HDAC9: variants seen among roughly 807,000 people sequenced by gnomAD.
HDAC9 encodes MEF-2 interacting transcription repressor (MITR) protein.
A neutral mutation model predicts 139.4 loss-of-function variants in HDAC9; 41 were observed. The ratio of observed to expected loss-of-function variants is 0.29; its 90% confidence interval spans 0.23 to 0.38. The LOEUF is 0.38. Ranked by LOEUF, HDAC9 falls within the 10% of genes least tolerant of loss-of-function variation. HDAC9 has a pLI of 1.00. For synonymous variants in HDAC9, 517 were observed against 476.2 expected, an observed-to-expected ratio of 1.09 and a Z score of -1.12; for missense variants, 1,147 against 1,297.0, an observed-to-expected ratio of 0.88 and a Z score of 1.78.
intron 21 of HDAC9, among the ~76,000 whole-genome samples, chr7:18,852,162 A>G (rs1483588008): frequency 6.6e-6 from 1 of 152,204 alleles, no homozygotes; most frequent in East Asian, 1.9e-4. Flanking sequence ...ACTTTCTCCC[A>G]TGTGCTTAAC....
At chr7:18,509,408 A>C (rs1011622963) in intron 2 of HDAC9, 77 of 985,354 alleles carry the variant, frequency 7.8e-5, no homozygotes, top group Non-Finnish European at 8.9e-5. Context: ...CTCCTGGCCA[A>C]CGTGCTTTGT....
intron 2 of HDAC9, among the ~76,000 whole-genome samples, chr7:18,248,798 G>T (rs1448906162): frequency 6.6e-6 from 1 of 152,164 alleles, no homozygotes; most frequent in Non-Finnish European, 1.5e-5. Context: ...GCTAAATTCT[G>T]TGGTGCAAAG....
chr7:18,757,982 A>G (rs903502053), intron 14 of HDAC9, among the ~76,000 whole-genome samples: 6 of 152,328 alleles, frequency 3.9e-5, no homozygotes, highest in East Asian at 3.9e-4. Flanking sequence ...AAACATGATC[A>G]TATTCCTAAC....
chr7:18,886,574 C>T (rs1456164722), intron 22 of HDAC9, among the ~76,000 whole-genome samples: 1 of 152,010 alleles, frequency 6.6e-6, no homozygotes, highest in Non-Finnish European at 1.5e-5. Context: ...ATAATGGTTA[C>T]ATTTATTTTG....
At chr7:18,803,140 CT>C (rs1168084823) in intron 17 of HDAC9, among the ~76,000 whole-genome samples, 15 of 152,028 alleles carry the variant, frequency 9.9e-5, no homozygotes, top group African/African-American at 1.9e-4. Flanking sequence ...AAAATGCACA[CT>C]TTTTTTCTAT....
intron 1 of HDAC9, among the ~76,000 whole-genome samples, chr7:18,116,532 C>G (rs970631050): frequency 3.9e-5 from 6 of 152,018 alleles, no homozygotes; most frequent in Non-Finnish European, 8.8e-5. Flanking sequence ...ATAGTTCATT[C>G]TAGATCAATA....
chr7:18,394,349 G>A (rs183408805), intron 1 of HDAC9, among the ~76,000 whole-genome samples: 3 of 152,084 alleles, frequency 2.0e-5, no homozygotes, highest in East Asian at 3.9e-4. Flanking sequence ...ATATTAAGAG[G>A]GAGCATCGTC....
At chr7:18,328,803 T>C (rs534790778) in intron 1 of HDAC9, among the ~76,000 whole-genome samples, 2 of 152,054 alleles carry the variant, frequency 1.3e-5, no homozygotes, top group Non-Finnish European at 1.5e-5. Context: ...TCTGGTATCA[T>C]GGTAATGATG....
chr7:18,775,108 G>A (rs1234291841), intron 16 of HDAC9, among the ~76,000 whole-genome samples: 2 of 151,936 alleles, frequency 1.3e-5, no homozygotes, highest in Admixed American at 6.6e-5. Flanking sequence ...AGTCACACAC[G>A]ATATTTATCA....
At chr7:18,706,694 G>A (rs891181235) in intron 12 of HDAC9, among the ~76,000 whole-genome samples, 1 of 152,144 alleles carries the variant, frequency 6.6e-6, no homozygotes, top group African/African-American at 2.4e-5. Flanking sequence ...GTTGCTACTG[G>A]CATCTAGTGG....
intron 2 of HDAC9, among the ~76,000 whole-genome samples, chr7:18,260,382 G>A (rs1371149350): frequency 2.1e-5 from 3 of 140,756 alleles, no homozygotes; most frequent in East Asian, 2.2e-4. Flanking sequence ...GCAGTGGCAC[G>A]ATCTCAGCTC....
In HDAC9 at chr7:18,581,782, T is replaced by G. The variant is rs573593308; in HGVS notation, c.23-3499T>G. Among the ~76,000 whole-genome samples, 10 of 152,296 alleles carry G rather than the reference T, an allele frequency of 6.6e-5. 1 individual carries two copies. The highest frequency in any genetic ancestry group is 6.5e-4 in the Admixed American group (10 of 15,298). On this transcript the variant is annotated intron_variant, in intron 2 of 25. Transcript: ENST00000686413. ...GTTACTCCAGAGCCTTGACTAAAAG[T>G]TCTACATTGGGTGCTACAATTAAGA...
In HDAC9 at chr7:18,257,114, ATGTATG is replaced by A. The variant is rs1412287244; in HGVS notation, c.25+94769_25+94774del. On this transcript the variant is annotated intron_variant, in intron 2 of 12. Coordinates refer to the HDAC9 transcript ENST00000417496. The stretch of plus-strand genomic sequence containing the variant: ...AAATTGTGTATGTGTGTGTGTGTGC[ATGTATG>A]TGTGTGTGTGTGTGTGTGTGTGTGT... Among the ~76,000 whole-genome samples the A allele has an allele frequency of 6.0e-3, 456 of 76,012 alleles. 2 individuals are homozygous for A. Among genetic ancestry groups the A allele is most frequent in the African/African-American group, 0.013 (334 of 26,412 alleles). 49.9% of individuals were successfully genotyped at this position (76,012 alleles called of 152,430 possible). A position where few individuals can be genotyped will look rare whatever the true frequency, so the allele number is the denominator to read the frequency against.
chr7:18,316,633 C>CAAAAA (rs10641889), intron 1 of HDAC9, among the ~76,000 whole-genome samples: 3 of 100,276 alleles, frequency 3.0e-5, no homozygotes, highest in Admixed American at 2.4e-4. Flanking sequence ...CAGATCTCTC[C>CAAAAA]AAAAAAAAAA....
At chr7:18,207,933 T>G (rs1227014314) in intron 2 of HDAC9, among the ~76,000 whole-genome samples, 1 of 151,878 alleles carries the variant, frequency 6.6e-6, no homozygotes, top group East Asian at 1.9e-4. Context: ...AGGCTGGTCT[T>G]GAACTCCCGA....
chr7:18,726,678 G>C (rs931052350), intron 12 of HDAC9, among the ~76,000 whole-genome samples: 5 of 150,524 alleles, frequency 3.3e-5, no homozygotes, highest in African/African-American at 1.2e-4. Context: ...ATATATTTTT[G>C]ATAAATATTT....
chr7:18,642,203 T>C (rs933950723), intron 8 of HDAC9, among the ~76,000 whole-genome samples: 2 of 152,024 alleles, frequency 1.3e-5, no homozygotes, highest in African/African-American at 4.8e-5. Flanking sequence ...TCATCAAGAA[T>C]TGTCTCCATG....
In HDAC9 at chr7:18,727,738, C is replaced by A. The variant is rs1448186828; in HGVS notation, c.1890C>A (p.Leu630=). 1.3e-6 allele frequency: 2 copies of A among 1,541,008 alleles called. No homozygotes were observed. The highest frequency in any genetic ancestry group is 1.7e-6 in the Non-Finnish European group (2 of 1,152,288). ...CTCACCCAGCAATGGACCGCCCCCT[C>A]CAGCCTGGCTCTGCAACTGGTAGGA... ...VLPHPAMDRP[L]QPGSATGIAY... Residue 630 remains leucine (L), a synonymous_variant, in exon 13 of 26, where the codon CTC becomes CTA. Transcript: ENST00000686413.
At chr7:18,495,669 G>T, upstream of HDAC9, 2 of 852,454 alleles carry the variant, frequency 2.3e-6, no homozygotes, top group Non-Finnish European at 2.8e-6. Flanking sequence ...GTGCCTGTGG[G>T]CCATGCTGTT....
Sources: allele counts gnomAD v4.1 joint callset (sites outside exome capture counted in the v4.1 genomes callset), GRCh38; gene constraint gnomAD v4.1.1; transcripts MANE v1.5; gene names NCBI Gene and HGNC (gene_info 2026-07-23, HGNC 2026-07-21).